TSHZ2: variants seen among roughly 807,000 people sequenced by gnomAD.
TSHZ2 encodes teashirt homolog 2.
TSHZ2 carries 21 observed loss-of-function variants against 74.4 expected under a neutral mutation model. The observed-to-expected ratio is 0.28, with a 90% confidence interval of 0.20 to 0.41. The LOEUF is 0.41. Among genes scored for constraint, TSHZ2 ranks in the 10% least tolerant of loss-of-function variants. The pLI is 1.00. For synonymous variants in TSHZ2, 540 were observed against 515.3 expected, an observed-to-expected ratio of 1.05 and a Z score of -0.65; for missense variants, 1,244 against 1,293.5, an observed-to-expected ratio of 0.96 and a Z score of 0.59.
intron 1 of TSHZ2, among the ~76,000 whole-genome samples, chr20:53,209,135 C>G (rs921151990): frequency 6.6e-6 from 1 of 152,030 alleles, no homozygotes; most frequent in Non-Finnish European, 1.5e-5. Context: ...CACTCTGTCA[C>G]CCAGGCTAGA....
intron 2 of TSHZ2, among the ~76,000 whole-genome samples, chr20:53,267,146 G>T (rs925379403): frequency 6.6e-6 from 1 of 152,184 alleles, no homozygotes; most frequent in Admixed American, 6.5e-5. Context: ...CTATGAGGCT[G>T]CAAGGGCCAC....
At chr20:53,465,277 G>T (rs542768954) in intron 2 of TSHZ2, among the ~76,000 whole-genome samples, 32 of 152,028 alleles carry the variant, frequency 2.1e-4, no homozygotes, top group Admixed American at 1.6e-3. Flanking sequence ...TTTTGTGTGT[G>T]TGTGTGTGTG....
In TSHZ2 at chr20:53,311,521, A is replaced by G. The variant is rs528239008; in HGVS notation, c.*8+54950A>G. 3.0e-3 allele frequency among the ~76,000 whole-genome samples: 458 copies of G among 152,364 alleles called. 9 individuals carry two copies. The highest frequency in any genetic ancestry group is 0.025 in the South Asian group (119 of 4,826). On this transcript the variant is annotated intron_variant, in intron 2 of 2. Transcript: ENST00000371497. ...GTGAGAGTTAAACAAGATAAAACAC[A>G]TGAAACAAATCAGCCCTCAGCCTGG...
At chr20:53,020,488 C>A (rs933150282) in intron 1 of TSHZ2, among the ~76,000 whole-genome samples, 1 of 152,196 alleles carries the variant, frequency 6.6e-6, no homozygotes. Flanking sequence ...AAACCACCTT[C>A]GTTTCTGCTG....
At chr20:53,114,751 G>A (rs1193814550) in intron 1 of TSHZ2, among the ~76,000 whole-genome samples, 2 of 152,128 alleles carry the variant, frequency 1.3e-5, no homozygotes, top group Admixed American at 1.3e-4. Context: ...TAGAGAGGAG[G>A]TGGTAAAAGA....
chr20:53,230,634 T>A (rs1210973300), intron 1 of TSHZ2, among the ~76,000 whole-genome samples: 1 of 152,210 alleles, frequency 6.6e-6, no homozygotes, highest in African/African-American at 2.4e-5. Context: ...GGCTCACGCC[T>A]GTAATCCCAG....
At chr20:53,276,343 A>C (rs141834175) in intron 2 of TSHZ2, among the ~76,000 whole-genome samples, 2 of 151,986 alleles carry the variant, frequency 1.3e-5, no homozygotes, top group Non-Finnish European at 2.9e-5. Context: ...GGGCAATAGG[A>C]TATGTCATTC....
At chr20:53,459,764 A>G (rs1420716615) in intron 2 of TSHZ2, among the ~76,000 whole-genome samples, 3 of 139,232 alleles carry the variant, frequency 2.2e-5, no homozygotes, top group African/African-American at 5.4e-5. Flanking sequence ...TGGTGACAAA[A>G]TCTCTCAGCA....
At chr20:53,389,033 G>T (rs1021173606) in intron 2 of TSHZ2, among the ~76,000 whole-genome samples, 42 of 152,278 alleles carry the variant, frequency 2.8e-4, no homozygotes, top group African/African-American at 9.6e-4. Flanking sequence ...GATTACAGAG[G>T]TTCAATATTA....
chr20:53,047,019 G>A (rs867524096), intron 1 of TSHZ2, among the ~76,000 whole-genome samples: 28 of 152,286 alleles, frequency 1.8e-4, no homozygotes, highest in Middle Eastern at 3.4e-3. Context: ...AGACAGAGGC[G>A]TAAGGGATCC....
At chr20:52,991,781 T>C (rs1982007012) in intron 1 of TSHZ2, among the ~76,000 whole-genome samples, 1 of 148,332 alleles carries the variant, frequency 6.7e-6, no homozygotes, top group Admixed American at 6.6e-5. Context: ...ATTATGTATG[T>C]TGTGGGTATT....
intron 1 of TSHZ2, among the ~76,000 whole-genome samples, chr20:53,121,523 A>G (rs907237513): frequency 2.0e-5 from 3 of 152,174 alleles, no homozygotes; most frequent in African/African-American, 7.2e-5. Flanking sequence ...TGATAAACTG[A>G]AGACTCATAG....
At chr20:53,146,994 A>C (rs549816838) in intron 1 of TSHZ2, among the ~76,000 whole-genome samples, 1 of 152,332 alleles carries the variant, frequency 6.6e-6, no homozygotes, top group South Asian at 2.1e-4. Flanking sequence ...TTATTTTTTC[A>C]GTTGATGGGA....
chr20:53,224,675 C>A (rs1375801340), intron 1 of TSHZ2, among the ~76,000 whole-genome samples: 2 of 151,938 alleles, frequency 1.3e-5, no homozygotes, highest in Non-Finnish European at 2.9e-5. Flanking sequence ...CATGGTGAAA[C>A]CCCGTCTCTA....
At chr20:53,343,936 A>C (rs776287205) in intron 2 of TSHZ2, among the ~76,000 whole-genome samples, 4 of 152,030 alleles carry the variant, frequency 2.6e-5, no homozygotes, top group Admixed American at 2.0e-4. Context: ...ATTTCCTTGG[A>C]CTTCCTTTGG....
chr20:53,362,540 G>C (rs1366991190), intron 2 of TSHZ2, among the ~76,000 whole-genome samples: 2 of 152,146 alleles, frequency 1.3e-5, no homozygotes, highest in Non-Finnish European at 2.9e-5. Context: ...TGTAAATTGA[G>C]GGAAGACTGT....
chr20:53,040,202 C>A (rs1983987918), intron 1 of TSHZ2, among the ~76,000 whole-genome samples: 1 of 152,158 alleles, frequency 6.6e-6, no homozygotes, highest in Admixed American at 6.5e-5. Context: ...GCCTGTCTGA[C>A]AAGGTGAGAC....
At chr20:52,992,299 C>T (rs929653370) in intron 1 of TSHZ2, among the ~76,000 whole-genome samples, 2 of 152,120 alleles carry the variant, frequency 1.3e-5, no homozygotes, top group African/African-American at 4.8e-5. Context: ...GGTTCCAGGC[C>T]TTTGGAATAT....
chr20:53,279,209 A>C (rs1991007393), intron 2 of TSHZ2, among the ~76,000 whole-genome samples: 1 of 152,236 alleles, frequency 6.6e-6, no homozygotes, highest in Admixed American at 6.5e-5. Flanking sequence ...AGGCAGAAGA[A>C]AATCCATGTA....
Sources: gnomAD v4.1 joint callset for allele counts (sites outside exome capture counted in the v4.1 genomes callset) on GRCh38, gnomAD v4.1.1 for gene constraint, MANE v1.5 for transcripts, NCBI Gene and HGNC (gene_info 2026-07-23, HGNC 2026-07-21) for gene names.